Variants in GATB observed in about 807,000 individuals in gnomAD.
GATB encodes glutamyl-tRNA amidotransferase subunit B, also known as glutamyl-tRNA(Gln) amidotransferase subunit B, mitochondrial.
In GATB, 39 loss-of-function variants were observed where a neutral mutation model predicts 62.3. The ratio of observed to expected loss-of-function variants is 0.63; its 90% CI spans 0.48 to 0.82. The LOEUF (loss-of-function observed/expected upper bound fraction) is 0.82, where lower values mean the gene tolerates loss of function less well. Ranked by LOEUF, GATB falls within the 40% of genes least tolerant of loss-of-function variation. The probability of loss-of-function intolerance (pLI) is 0.00; values close to 1 mark genes in which losing one functional copy is unlikely to be tolerated. For missense variants in GATB, 670 were observed against 684.0 expected (o/e 0.98, Z 0.23); for synonymous variants, 276 against 258.9 (o/e 1.07, Z -0.63).
chr4:151,751,284 C>T (rs747775563), intron 2 of GATB, among the ~76,000 whole-genome samples: 53 of 152,118 alleles, frequency 3.5e-4, no homozygotes, highest in Non-Finnish European at 6.3e-4. Flanking sequence ...TTGATTATTA[C>T]CTAACGTTAT....
chr4:151,757,307 A>G (rs915630352), intron 2 of GATB, among the ~76,000 whole-genome samples: 7 of 152,076 alleles, frequency 4.6e-5, no homozygotes, highest in South Asian at 2.1e-4. Flanking sequence ...AGAAAATGCG[A>G]TAAGAGAAAA....
chr4:151,697,947 G>GTGTATATATATATAAATA (rs1177589943), intron 9 of GATB, among the ~76,000 whole-genome samples: 1 of 73,494 alleles, frequency 1.4e-5, no homozygotes, highest in East Asian at 4.2e-4. Flanking sequence ...ATGTGTGTGT[G>GTGTATATATATATAAATA]TGTGTGTATA....
intron 2 of GATB, among the ~76,000 whole-genome samples, chr4:151,754,140 C>G (rs922421611): frequency 6.6e-6 from 1 of 152,000 alleles, no homozygotes; most frequent in Non-Finnish European, 1.5e-5. Context: ...CGTCTTCTTA[C>G]CTCTTTGCAA....
At chr4:151,735,530 T>C (rs910814725) in intron 2 of GATB, among the ~76,000 whole-genome samples, 2 of 151,810 alleles carry the variant, frequency 1.3e-5, no homozygotes, top group Admixed American at 6.6e-5. Context: ...GAAAACAGTA[T>C]GGAGATTCCT....
Position 151,672,854 on chromosome 4 carries a change from G to T in GATB, c.1453C>A (p.Gln485Lys), listed in dbSNP as rs1737904229. Residue 485 changes from glutamine to lysine, a missense_variant, in exon 12 of 13, where the codon CAG (glutamine) becomes AAG (lysine). Coordinates refer to ENST00000263985, the MANE Select transcript of GATB (RefSeq NM_004564.3). The part of the protein sequence containing the change: ...LWKREGKTPG[Q>K]IVSEKQLELM... The stretch of plus-strand genomic sequence containing the variant: ...TCAAGCTGCTTTTCTGAAACAATCT[G>T]CCCTGGAGTCTTGCCTTCCCTCTTC... 5 of 1,614,180 alleles carry T rather than the reference G, an allele frequency of 3.1e-6. No individual in the cohort carries two copies. In the South Asian group the frequency reaches 4.4e-5, roughly 14 times the overall value.
chr4:151,684,627 C>T (rs2126958515), intron 10 of GATB, among the ~76,000 whole-genome samples: 1 of 152,330 alleles, frequency 6.6e-6, no homozygotes, highest in South Asian at 2.1e-4. Context: ...TATGGGTAGC[C>T]TAGTATATCA....
At chr4:151,683,046 C>A (rs1387563208) in intron 10 of GATB, among the ~76,000 whole-genome samples, 1 of 152,054 alleles carries the variant, frequency 6.6e-6, no homozygotes, top group African/African-American at 2.4e-5. Flanking sequence ...TGCTCAGAAC[C>A]CCACTCTTTC....
rs111763383 is a variant in GATB, at chr4:151,731,272, G to A, written c.328-11734C>T. On this transcript the variant is annotated intron_variant, in intron 2 of 12. Coordinates refer to ENST00000263985, the MANE Select transcript of GATB (RefSeq NM_004564.3). ...TGCCATTGCGGGCGCGCGCCGCCACGCCTGACTGGTTTTCGTATTTTTTTG... is the reference window on the plus strand; with the variant it reads ...TGCCATTGCGGGCGCGCGCCGCCACACCTGACTGGTTTTCGTATTTTTTTG... Among the ~76,000 whole-genome samples, 30 of 152,308 alleles carry A rather than the reference G, an allele frequency of 2.0e-4. 1 individual carries two copies. In the South Asian group the frequency reaches 2.7e-3, roughly 14 times the overall value.
At chr4:151,715,223 A>G (rs1172495504) in intron 5 of GATB, among the ~76,000 whole-genome samples, 2 of 152,212 alleles carry the variant, frequency 1.3e-5, no homozygotes, top group Non-Finnish European at 2.9e-5. Context: ...CAGAACCTAT[A>G]TTTTGTCTCC....
intron 9 of GATB, among the ~76,000 whole-genome samples, chr4:151,693,176 TAA>T (rs34432289): frequency 0.15 from 22,272 of 147,912 alleles, 1,932 homozygotes; most frequent in African/African-American, 0.25. Context: ...AACAGCTATG[TAA>T]AAAAAAAAAT....
chr4:151,735,736 GTA>G (rs137893198), intron 2 of GATB, among the ~76,000 whole-genome samples: 21,166 of 104,820 alleles, frequency 0.2, 3,908 homozygotes, highest in African/African-American at 0.39. Flanking sequence ...AAACTGTGGT[GTA>G]TATATATATA....
chr4:151,758,166 A>G (rs944304978), intron 2 of GATB, among the ~76,000 whole-genome samples: 2 of 152,224 alleles, frequency 1.3e-5, no homozygotes, highest in African/African-American at 2.4e-5. Context: ...AATAACCACA[A>G]TCATTACTGG....
At chr4:151,754,555 G>A (rs1340678566) in intron 2 of GATB, among the ~76,000 whole-genome samples, 1 of 152,170 alleles carries the variant, frequency 6.6e-6, no homozygotes, top group East Asian at 1.9e-4. Flanking sequence ...TCCAATATAT[G>A]CCAGCTGAGT....
chr4:151,675,207 G>A (rs1327205702), intron 11 of GATB: 12 of 152,258 alleles, frequency 7.9e-5, no homozygotes. Context: ...TCCCCGAGAA[G>A]GAGGGCCAGG....
Position 151,716,949 on chromosome 4 carries a change from C to A in GATB, c.567G>T (p.Gln189His), listed in dbSNP as rs773552712. Residue 189 changes from glutamine (Q) to histidine (H), a missense_variant, in exon 4 of 13, where the codon CAG becomes CAT. By Grantham distance (24) the Gln-to-His change is conservative (BLOSUM62 0). Transcript: ENST00000263985. ...GGCTTTTGCCACTGTCTTGCTCCAA[C>A]TGGATCTGCTTGATCCTCACCGTCT... ...IPKTVRIKQI[Q>H]LEQDSGKSLH... The A allele has an allele frequency of 3.7e-6, 6 of 1,614,188 alleles. No individual in the cohort carries two copies. Among genetic ancestry groups the A allele is most frequent in the Non-Finnish European group, 5.1e-6 (6 of 1,180,030 alleles).
At chr4:151,721,586 T>A (rs1739033671) in intron 2 of GATB, 1 of 152,394 alleles carries the variant, frequency 6.6e-6, no homozygotes, top group Non-Finnish European at 1.5e-5. Context: ...GAAGCTGCAG[T>A]CCCGACCCTG....
At chr4:151,688,891 T>C in intron 9 of GATB, 128 bp from the exon 10 acceptor site, 1 of 791,124 alleles carries the variant, frequency 1.3e-6, no homozygotes, top group Non-Finnish European at 2.0e-6. Flanking sequence ...TGCTAAACCC[T>C]GAGATGTCAC....
chr4:151,684,867 C>T lies in GATB; in HGVS notation c.1331+3763G>A, dbSNP rs112747642. The stretch of plus-strand genomic sequence containing the variant: ...GTAAATACCAGGGGCTCCAGGTCCA[C>T]TCAACAGGCTAATTTATCTCTCAGC... On this transcript the variant is annotated intron_variant, in intron 10 of 12. Coordinates refer to ENST00000263985, the MANE Select transcript of GATB (RefSeq NM_004564.3). Among the ~76,000 whole-genome samples the T allele has an allele frequency of 4.0e-4, 61 of 152,310 alleles. 1 individual carries two copies. The highest frequency in any genetic ancestry group is 1.4e-3 in the African/African-American group (60 of 41,570).
intron 7 of GATB, 105 bp from the exon 8 acceptor site, chr4:151,704,000 C>T (rs1169438961): frequency 2.8e-6 from 2 of 703,584 alleles, no homozygotes; most frequent in African/African-American, 1.8e-5. Context: ...CAAAATCAAA[C>T]TCTGTGGACT....
Sources: gnomAD v4.1 joint callset for allele counts (sites outside exome capture counted in the v4.1 genomes callset) on GRCh38, gnomAD v4.1.1 for gene constraint, MANE v1.5 for transcripts, NCBI Gene and HGNC (gene_info 2026-07-23, HGNC 2026-07-21) for gene names.